The following LRBA variants were observed in gnomAD, a reference collection of about 807,000 sequenced individuals.
LRBA encodes lipopolysaccharide-responsive and beige-like anchor protein.
LRBA carries 176 observed loss-of-function variants against 330.0 expected under a neutral mutation model. That is an observed-to-expected ratio of 0.53 (90% CI 0.47 to 0.60). The LOEUF is 0.60. LRBA is among the 20% of genes least tolerant of loss of function. LRBA has a pLI of 0.00. For synonymous variants in LRBA, 1,230 were observed against 1,193.0 expected (o/e 1.03, Z -0.64); for missense variants, 3,259 against 3,444.8 (o/e 0.95, Z 1.35).
rs150647870 is a variant in LRBA at position 150,741,894 on chromosome 4, C to T, written c.5646-6528G>A. Among the ~76,000 whole-genome samples the T allele has an allele frequency of 1.4e-4, 22 of 152,040 alleles. No homozygotes were observed. In the Middle Eastern group the frequency reaches 0.014, roughly 94 times the overall value. On this transcript the variant is annotated intron_variant, in intron 35 of 56. Coordinates refer to ENST00000651943, the MANE Select transcript of LRBA (RefSeq NM_001364905.1). ...CTACCTCTCCATATGAGGACTCACA[C>T]GGAACACTGATAATGGCCACGGAGT...
chr4:150,683,360 A>G (rs1432664944), intron 37 of LRBA, among the ~76,000 whole-genome samples, 191 bp downstream of exon 37: 1 of 152,162 alleles, frequency 6.6e-6, no homozygotes, highest in Non-Finnish European at 1.5e-5. Flanking sequence ...ATAAATATGG[A>G]TCTATAAAGA....
chr4:150,693,636 A>G (rs1437298473), intron 36 of LRBA, among the ~76,000 whole-genome samples: 2 of 151,444 alleles, frequency 1.3e-5, no homozygotes, highest in Non-Finnish European at 2.9e-5. Flanking sequence ...GTTTTGAAAG[A>G]ATAAAACAAA....
At chr4:150,636,944 G>A (rs1276690426) in intron 37 of LRBA, among the ~76,000 whole-genome samples, 1 of 152,022 alleles carries the variant, frequency 6.6e-6, no homozygotes, top group East Asian at 1.9e-4. Context: ...TATCACACCT[G>A]GCTTAAGTTT....
rs183940088 is a variant in LRBA, at chr4:150,985,555, G to A, written c.216+28872C>T. Among the ~76,000 whole-genome samples the A allele has an allele frequency of 2.9e-3, 443 of 151,108 alleles. 3 individuals carry two copies. Among genetic ancestry groups the A allele is most frequent in the Non-Finnish European group, 5.3e-3 (361 of 67,842 alleles). On this transcript the variant is annotated intron_variant, in intron 2 of 56. Transcript: ENST00000651943. ...GCTCTATTGCCCAGGCTGGAGTGCA[G>A]TGGCACCATCTCGGCTCACTGCAAG...
At chr4:150,953,712 C>T (rs1283440374) in intron 2 of LRBA, among the ~76,000 whole-genome samples, 1 of 151,982 alleles carries the variant, frequency 6.6e-6, no homozygotes, top group East Asian at 1.9e-4. Context: ...CGGCTCACTA[C>T]AACCTCCACC....
intron 5 of LRBA, 67 bp downstream of exon 5, chr4:150,921,131 G>T: frequency 9.8e-7 from 1 of 1,023,674 alleles, no homozygotes; most frequent in South Asian, 1.3e-5. Flanking sequence ...GGTGTTCACA[G>T]GGCTGTACTT....
At chr4:150,918,813 A>G (rs1389368092) in intron 5 of LRBA, among the ~76,000 whole-genome samples, 2 of 152,208 alleles carry the variant, frequency 1.3e-5, no homozygotes, top group Non-Finnish European at 2.9e-5. Flanking sequence ...TTTGACCCTT[A>G]TACATTGCTG....
intron 28 of LRBA, among the ~76,000 whole-genome samples, chr4:150,842,671 T>C (rs770370573): frequency 3.9e-5 from 6 of 152,146 alleles, no homozygotes; most frequent in Non-Finnish European, 7.4e-5. Context: ...TCTAAGAAGG[T>C]AGTATAGCCT....
chr4:150,745,614 C>T (rs1197442626), intron 35 of LRBA, among the ~76,000 whole-genome samples: 1 of 152,106 alleles, frequency 6.6e-6, no homozygotes, highest in Non-Finnish European at 1.5e-5. Flanking sequence ...CTCCCTGGTT[C>T]AAGCAATTCT....
At chr4:150,542,020 A>G (rs1328579530) in intron 40 of LRBA, among the ~76,000 whole-genome samples, 1 of 152,232 alleles carries the variant, frequency 6.6e-6, no homozygotes, top group East Asian at 1.9e-4. Context: ...CATATATTGC[A>G]TACTAATATG....
intron 34 of LRBA, among the ~76,000 whole-genome samples, chr4:150,790,357 T>C (rs1271650853): frequency 6.6e-6 from 1 of 152,212 alleles, no homozygotes; most frequent in Non-Finnish European, 1.5e-5. Context: ...AGTTAAATTA[T>C]GTTTTTCTTT....
chr4:150,695,769 A>C (rs571089017), intron 36 of LRBA, among the ~76,000 whole-genome samples: 63 of 152,304 alleles, frequency 4.1e-4, no homozygotes, highest in African/African-American at 1.5e-3. Flanking sequence ...CTTTCTGCTA[A>C]TCTGCAAAAG....
intron 35 of LRBA, among the ~76,000 whole-genome samples, chr4:150,754,405 C>T (rs1267482000): frequency 6.6e-6 from 1 of 150,996 alleles, no homozygotes; most frequent in African/African-American, 2.4e-5. Context: ...TATTCTAAAT[C>T]ACCCAGAGAA....
At position 150,588,130 on chromosome 4, in the gene LRBA, T is replaced by C. The variant is rs1772347801; in HGVS notation, c.6248A>G (p.Lys2083Arg). 4 of 1,612,200 alleles carry C rather than the reference T, an allele frequency of 2.5e-6. No homozygotes were observed. Among genetic ancestry groups the C allele is most frequent in the Admixed American group, 1.7e-5 (1 of 59,802 alleles). Reference sequence around the variant, plus strand: ...GGAGGAGGTGACAGAAAGAGTGCCCTTTACTACAACAGAGGGGGCCACAAG... The same window carrying C: ...GGAGGAGGTGACAGAAAGAGTGCCCCTTACTACAACAGAGGGGGCCACAAG... ...AQLVAPSVVV[K>R]GTLSVTSSEL... Residue 2083 changes from lysine (K) to arginine (R), a missense_variant, in exon 40 of 57, where the codon AAG (lysine) becomes AGG (arginine). Transcript: ENST00000651943.
At position 150,382,343 on chromosome 4, in the gene LRBA, G is replaced by A. The variant is rs1017849394; in HGVS notation, c.7195-32184C>T. ...AAACTGAGTAAGAAACCATTCTGGG[G>A]CTGGGCACGGTGGCTCATGCCTGTA... On this transcript the variant is annotated intron_variant, in intron 47 of 56. Coordinates refer to ENST00000651943, the MANE Select transcript of LRBA (RefSeq NM_001364905.1). 2.8e-4 allele frequency among the ~76,000 whole-genome samples: 42 copies of A among 152,250 alleles called. 1 individual carries two copies. The highest frequency in any genetic ancestry group is 9.4e-4 in the African/African-American group (39 of 41,552).
chr4:150,542,017 T>C (rs935549638), intron 40 of LRBA, among the ~76,000 whole-genome samples: 1 of 152,224 alleles, frequency 6.6e-6, no homozygotes, highest in Non-Finnish European at 1.5e-5. Flanking sequence ...CTGCATATAT[T>C]GCATACTAAT....
intron 2 of LRBA, among the ~76,000 whole-genome samples, chr4:151,012,417 G>A (rs1237500876): frequency 6.6e-6 from 1 of 152,044 alleles, no homozygotes; most frequent in Non-Finnish European, 1.5e-5. Context: ...AAGTAATTAT[G>A]GATTATATTA....
At chr4:150,440,093 C>T (rs896653576) in intron 44 of LRBA, among the ~76,000 whole-genome samples, 3 of 152,080 alleles carry the variant, frequency 2.0e-5, no homozygotes, top group Non-Finnish European at 4.4e-5. Context: ...GATGCTAGCA[C>T]CATCATCCTA....
At chr4:150,622,694 T>C (rs1029133474) in intron 37 of LRBA, among the ~76,000 whole-genome samples, 1 of 7,096 alleles carries the variant, frequency 1.4e-4, no homozygotes, top group Non-Finnish European at 3.6e-3. Context: ...CAATCTTTTT[T>C]TTTTTTTTTT....
Sources: gnomAD v4.1 joint callset for allele counts (sites outside exome capture counted in the v4.1 genomes callset) on GRCh38, gnomAD v4.1.1 for gene constraint, MANE v1.5 for transcripts, NCBI Gene and HGNC (gene_info 2026-07-23, HGNC 2026-07-21) for gene names.